The following FANCI variants were observed in gnomAD, a reference collection of about 807,000 sequenced individuals.
FANCI encodes Fanconi anemia group I protein.
In FANCI, 156 loss-of-function variants were observed where a neutral mutation model predicts 176.1. The observed-to-expected ratio is 0.89, with a 90% CI of 0.78 to 1.01. The LOEUF is 1.01. Ranked by LOEUF, FANCI falls within the 50% of genes least tolerant of loss-of-function variation. The pLI is 0.00. For missense variants in FANCI, 1,678 were observed against 1,534.1 expected (o/e 1.09, Z -1.57); for synonymous variants, 613 against 541.7 (o/e 1.13, Z -1.83).
At chr15:89,312,083 T>C (rs1460253784) in intron 34 of FANCI, among the ~76,000 whole-genome samples, 4 of 152,198 alleles carry the variant, frequency 2.6e-5, no homozygotes, top group Non-Finnish European at 4.4e-5. Flanking sequence ...TGATAACCCA[T>C]TGCACATAAA....
At chr15:89,299,224 A>G (rs2054436794) in intron 24 of FANCI, among the ~76,000 whole-genome samples, 1 of 152,084 alleles carries the variant, frequency 6.6e-6, no homozygotes, top group Non-Finnish European at 1.5e-5. Context: ...AACCTGAGTA[A>G]TCTTATCTCT....
In FANCI at chr15:89,293,003, T is replaced by G; in HGVS notation, c.2231T>G (p.Phe744Cys). The stretch of plus-strand genomic sequence containing the variant: ...GGCATAAAAAATAATATCTGTGCTT[T>G]TCTTGTGATGGGAGTTTGTGAGGTT... Reference protein sequence around the residue: ...SIGIKNNICAFLVMGVCEVLI... With the variant: ...SIGIKNNICACLVMGVCEVLI... Residue 744 changes from phenylalanine to cysteine, a missense_variant, in exon 22 of 38, where the codon TTT becomes TGT. Physicochemically the swap from Phe to Cys is radical, Grantham distance 205 (BLOSUM62 -2). This residue lies in a region of FANCI where 1,204 missense variants were observed against 1,077.4 expected (regional missense o/e 1.12). Transcript: ENST00000310775. 6.2e-7 allele frequency: 1 copy of G among 1,614,068 alleles called. No individual in the cohort carries two copies. The highest frequency in any genetic ancestry group is 1.3e-5 in the African/African-American group (1 of 75,048).
At chr15:89,253,194 AAAATT>A (rs2052337796) in intron 2 of FANCI, among the ~76,000 whole-genome samples, 1 of 152,380 alleles carries the variant, frequency 6.6e-6, no homozygotes, top group Admixed American at 6.5e-5. Flanking sequence ...AGTATATAAT[AAAATT>A]ACATCTTAAA....
At position 89,294,891 on chromosome 15, in the gene FANCI, TTCTC is replaced by T. The variant is rs751389631; in HGVS notation, c.2457-16_2457-13del. 24 of 1,546,588 alleles carry T rather than the reference TTCTC, an allele frequency of 1.6e-5. No homozygotes were observed. Among genetic ancestry groups the T allele is most frequent in the South Asian group, 8.4e-5 (7 of 83,592 alleles). On this transcript the variant is annotated intron_variant, in intron 23 of 37. Transcript: ENST00000310775. ...GCAGTAAGGGAATCTTCCTTTTTCT[TTCTC>T]TCTCTCTGTCTCTCTCTAGGGATAG...
intron 34 of FANCI, among the ~76,000 whole-genome samples, chr15:89,309,616 G>T (rs560958556): frequency 6.6e-6 from 1 of 152,210 alleles, no homozygotes; most frequent in East Asian, 1.9e-4. Context: ...CCAGTTACTT[G>T]GGAGGCTGAG....
intron 20 of FANCI, among the ~76,000 whole-genome samples, chr15:89,292,391 G>C (rs910392768): frequency 1.3e-5 from 2 of 152,128 alleles, no homozygotes. Context: ...ATGAACTAGA[G>C]AAGATTTAAC....
At chr15:89,257,938 T>C (rs1452620256) in intron 2 of FANCI, among the ~76,000 whole-genome samples, 1 of 152,260 alleles carries the variant, frequency 6.6e-6, no homozygotes, top group African/African-American at 2.4e-5. Context: ...CTTTAGTAAC[T>C]TCCGTTGCAC....
In FANCI at chr15:89,260,852, G is replaced by A. The variant is rs551503751; in HGVS notation, c.288+9G>A. On this transcript the variant is annotated intron_variant, in intron 4 of 37. Coordinates refer to ENST00000310775, the MANE Select transcript of FANCI (RefSeq NM_001113378.2). ...GATTACTGATGCTGGAGGTAAGATG[G>A]CAAACAAAAACTTTTATTTGGGGGT... 2 of 1,612,956 alleles carry A rather than the reference G, an allele frequency of 1.2e-6. No homozygotes were observed. Among genetic ancestry groups the A allele is most frequent in the East Asian group, 2.2e-5 (1 of 44,808 alleles).
chr15:89,306,344 G>A, intron 32 of FANCI, 150 bp downstream of exon 32: 1 of 794,458 alleles, frequency 1.3e-6, no homozygotes, highest in Non-Finnish European at 2.1e-6. Flanking sequence ...ATTTTAGTTT[G>A]GTCAGTAGGT....
At chr15:89,264,966 C>A (rs921498570) in intron 9 of FANCI, among the ~76,000 whole-genome samples, 2 of 152,086 alleles carry the variant, frequency 1.3e-5, no homozygotes, top group African/African-American at 4.8e-5. Flanking sequence ...AAATAAATAA[C>A]AAGAAAAATG....
At chr15:89,313,187 T>C (rs1257629378) in intron 35 of FANCI, among the ~76,000 whole-genome samples, 2 of 151,716 alleles carry the variant, frequency 1.3e-5, no homozygotes, top group East Asian at 3.9e-4. Flanking sequence ...AAAAACGGTA[T>C]GGAATTTCTT....
rs911033971 is a variant in FANCI at position 89,292,976 on chromosome 15, T to C, written c.2204T>C (p.Ile735Thr). 109 of 1,614,020 alleles carry C rather than the reference T, an allele frequency of 6.8e-5. No individual in the cohort carries two copies. Among genetic ancestry groups the C allele is most frequent in the Non-Finnish European group, 8.9e-5 (105 of 1,180,006 alleles). ...GCAGATTTTTCTCAGAGCACCAGTA[T>C]TGGCATAAAAAATAATATCTGTGCT... Reference protein sequence around the residue: ...KSADFSQSTSIGIKNNICAFL... With the variant: ...KSADFSQSTSTGIKNNICAFL... The change falls in exon 22 of 38, where the codon ATT becomes ACT. Residue 735 changes from isoleucine to threonine, a missense_variant. Ile to Thr is a moderately conservative substitution (Grantham distance 89). This residue lies in a region of FANCI where 1,204 missense variants were observed against 1,077.4 expected (regional missense o/e 1.12). Coordinates refer to ENST00000310775, the MANE Select transcript of FANCI (RefSeq NM_001113378.2).
At chr15:89,248,820 A>G (rs911988069) in intron 2 of FANCI, among the ~76,000 whole-genome samples, 3 of 152,094 alleles carry the variant, frequency 2.0e-5, no homozygotes, top group African/African-American at 7.2e-5. Flanking sequence ...CATTGCTCTT[A>G]TATTTATTTT....
chr15:89,264,690 C>G (rs1362366418), intron 9 of FANCI, 83 bp downstream of exon 9: 2 of 1,234,142 alleles, frequency 1.6e-6, no homozygotes, highest in East Asian at 5.1e-5. Context: ...ATTTTCTTCT[C>G]TCTCACCGCC....
rs3075797 is a variant in FANCI, at chr15:89,261,958, C to CTG, written c.503+81_503+82dup. ...ACCACTTTATTTCAGGAATTTATGT[C>CTG]TGGAGGTTTTAAGTCCTTCTTTTTT... On this transcript the variant is annotated intron_variant, in intron 6 of 37. Coordinates refer to ENST00000310775, the MANE Select transcript of FANCI (RefSeq NM_001113378.2). 507,963 of 1,296,140 alleles carry CTG rather than the reference C, an allele frequency of 0.39. 104,088 individuals carry two copies. The highest frequency in any genetic ancestry group is 0.54 in the African/African-American group (37,078 of 68,040). The allele number at this position is 1,296,140 out of a possible 1,614,324, so 80.3% of individuals were successfully genotyped here.
intron 18 of FANCI, among the ~76,000 whole-genome samples, 168 bp from the exon 19 acceptor site, chr15:89,290,045 G>T (rs1596300910): frequency 6.6e-6 from 1 of 151,902 alleles, no homozygotes; most frequent in Non-Finnish European, 1.5e-5. Flanking sequence ...CATTTTGGGT[G>T]GGAAAAAAAT....
At chr15:89,249,253 A>G (rs2052127232) in intron 2 of FANCI, among the ~76,000 whole-genome samples, 1 of 152,230 alleles carries the variant, frequency 6.6e-6, no homozygotes. Flanking sequence ...TCCTGTGGCA[A>G]GAAAGACTCA....
At position 89,263,423 on chromosome 15, in the gene FANCI, G is replaced by A; in HGVS notation, c.508G>A (p.Asp170Asn). ...LINTLCSGRW[D>N]QQYVIQLTSM... ...TTTGTCATTTTCTTCTACCAGGTGG[G>A]ATCAGCAATATGTAATCCAACTCAC... The change falls in exon 7 of 38, where the codon GAT becomes AAT. Residue 170 changes from aspartate (D) to asparagine (N), a missense_variant. By Grantham distance (23) the Asp-to-Asn change is conservative (BLOSUM62 1). This residue lies in a region of FANCI where 469 missense variants were observed against 436.9 expected (regional missense o/e 1.07). Coordinates refer to ENST00000310775, the MANE Select transcript of FANCI (RefSeq NM_001113378.2). The A allele has an allele frequency of 6.2e-7, 1 of 1,612,606 alleles. No individual in the cohort carries two copies. The highest frequency in any genetic ancestry group is 8.5e-7 in the Non-Finnish European group (1 of 1,178,860).
rs1596274803 is a variant in FANCI, at chr15:89,276,367, C to T, written c.1113-344C>T. The stretch of plus-strand genomic sequence containing the variant: ...CTTTGGAGGGGAGCTAATTTGTAAG[C>T]CTCTACATAAGCGTTGTCAGTGCTG... On this transcript the variant is annotated intron_variant, in intron 12 of 37. Transcript: ENST00000310775. 2.0e-5 allele frequency among the ~76,000 whole-genome samples: 3 copies of T among 152,170 alleles called. No homozygotes were observed. In the South Asian group the frequency reaches 6.2e-4, roughly 32 times the overall value.
Sources: allele counts gnomAD v4.1 joint callset (sites outside exome capture counted in the v4.1 genomes callset), GRCh38; gene constraint gnomAD v4.1.1; regional missense constraint gnomAD v4.1.1; transcripts MANE v1.5; gene names NCBI Gene and HGNC (gene_info 2026-07-23, HGNC 2026-07-21).